Variants in SPRY3 observed in about 807,000 individuals in gnomAD.
SPRY3 encodes protein sprouty homolog 3.
In SPRY3, 15 loss-of-function variants were observed where a neutral mutation model predicts 20.2. That is an observed-to-expected ratio of 0.74 (90% CI 0.50 to 1.14). SPRY3 has a LOEUF of 1.14. Among genes scored for constraint, SPRY3 ranks in the 50% most tolerant of loss-of-function variants. The pLI, the probability that SPRY3 is intolerant of heterozygous loss-of-function variation, is 0.00. For missense variants in SPRY3, 364 were observed against 363.9 expected, an observed-to-expected ratio of 1.00 and a Z score of 0.00; for synonymous variants, 143 against 136.5, an observed-to-expected ratio of 1.05 and a Z score of -0.33.
chrX:155,752,572 A>C (rs2091268661), intron 2 of SPRY3, among the ~76,000 whole-genome samples: 1 of 151,752 alleles, frequency 6.6e-6, no homozygotes, highest in African/African-American at 2.4e-5. Context: ...TTACAGATCC[A>C]TAATAAGAAA....
chrX:155,626,630 T>C (rs1165043137), intron 1 of SPRY3, among the ~76,000 whole-genome samples: 1 of 112,034 alleles, frequency 8.9e-6, no homozygotes, highest in Non-Finnish European at 1.9e-5. Flanking sequence ...ACCCAAACTA[T>C]AGTCATAAGG....
At chrX:155,747,290 T>C (rs759854061) in intron 2 of SPRY3, among the ~76,000 whole-genome samples, 4 of 152,038 alleles carry the variant, frequency 2.6e-5, no homozygotes, top group Admixed American at 2.6e-4. Context: ...ATTTACCTGA[T>C]AAAACTATTC....
intron 2 of SPRY3, among the ~76,000 whole-genome samples, chrX:155,728,210 C>A (rs906732573): frequency 1.3e-5 from 2 of 152,150 alleles, no homozygotes; most frequent in Admixed American, 6.5e-5. Flanking sequence ...GGGCACCTGC[C>A]TGTATGAAGT....
chrX:155,648,089 T>C (rs1204278884), intron 1 of SPRY3, among the ~76,000 whole-genome samples: 3 of 112,436 alleles, frequency 2.7e-5, no homozygotes, highest in African/African-American at 9.7e-5. Flanking sequence ...TTTGTTAGCC[T>C]CATAAATGTC....
chrX:155,747,790 T>C (rs995862627), intron 2 of SPRY3, among the ~76,000 whole-genome samples: 2 of 151,884 alleles, frequency 1.3e-5, no homozygotes, highest in Non-Finnish European at 2.9e-5. Context: ...AAAAACGTTA[T>C]TGAGACACTC....
In SPRY3 at chrX:155,648,140, C is replaced by T. The variant is rs191394926; in HGVS notation, c.-440-8727C>T. 6.9e-3 allele frequency among the ~76,000 whole-genome samples: 768 copies of T among 111,030 alleles called. 6 individuals carry two copies. Among genetic ancestry groups the T allele is most frequent in the African/African-American group, 0.024 (727 of 30,761 alleles). On this transcript the variant is annotated intron_variant, in intron 1 of 3. Transcript: ENST00000675360. ...TCTGTTCATATCCTTTGCCCAATTT[C>T]GATAGGGTTGTTTTTTTCTTGCAAA... is the stretch of plus-strand genomic sequence containing the variant.
chrX:155,621,131 G>A (rs782079871), intron 1 of SPRY3, among the ~76,000 whole-genome samples: 2 of 111,894 alleles, frequency 1.8e-5, no homozygotes, highest in Non-Finnish European at 3.8e-5. Context: ...GTCAGTATGA[G>A]TGCAAGAATA....
chrX:155,646,150 G>C (rs1314358499), intron 1 of SPRY3, among the ~76,000 whole-genome samples: 1 of 111,814 alleles, frequency 8.9e-6, no homozygotes, highest in Admixed American at 9.5e-5. Flanking sequence ...TGTTGCATTG[G>C]GCTATATGTC....
At chrX:155,710,676 T>A (rs754782260) in intron 2 of SPRY3, among the ~76,000 whole-genome samples, 1 of 151,946 alleles carries the variant, frequency 6.6e-6, no homozygotes, top group East Asian at 1.9e-4. Flanking sequence ...CTGATTGCTC[T>A]AGCTAGGACT....
chrX:155,720,900 CAAAACAATCCAGGA>C (rs1396970749), intron 2 of SPRY3, among the ~76,000 whole-genome samples: 3 of 152,088 alleles, frequency 2.0e-5, no homozygotes, highest in Non-Finnish European at 4.4e-5. Flanking sequence ...CTACAAGTAT[CAAAACAATCCAGGA>C]AAACATGGCC....
chrX:155,654,251 T>C (rs1438699617), intron 1 of SPRY3, among the ~76,000 whole-genome samples: 5 of 112,333 alleles, frequency 4.5e-5, no homozygotes, highest in Admixed American at 3.8e-4. Flanking sequence ...ATCATTTATA[T>C]TTAAAGTGGT....
chrX:155,718,547 A>G (rs2091036455), intron 2 of SPRY3, among the ~76,000 whole-genome samples: 1 of 152,154 alleles, frequency 6.6e-6, no homozygotes, highest in South Asian at 2.1e-4. Flanking sequence ...TATAAAATCA[A>G]TGAGACAAAA....
At chrX:155,759,372 C>G (rs2091295434) in intron 2 of SPRY3, among the ~76,000 whole-genome samples, 1 of 151,978 alleles carries the variant, frequency 6.6e-6, no homozygotes, top group African/African-American at 2.4e-5. Flanking sequence ...TTATAATCTC[C>G]TCAATTACTG....
At chrX:155,644,804 C>T (rs187590201) in intron 1 of SPRY3, among the ~76,000 whole-genome samples, 1 of 111,143 alleles carries the variant, frequency 9.0e-6, no homozygotes, top group African/African-American at 3.3e-5. Context: ...GAATCAGGGA[C>T]CCCAAGAGTC....
At chrX:155,707,188 T>C (rs1424268185) in intron 2 of SPRY3, among the ~76,000 whole-genome samples, 1 of 151,314 alleles carries the variant, frequency 6.6e-6, no homozygotes, top group Non-Finnish European at 1.5e-5. Context: ...ATACGTTTTG[T>C]TGTCATTTTC....
At chrX:155,717,650 T>C (rs2091031926) in intron 2 of SPRY3, among the ~76,000 whole-genome samples, 1 of 151,836 alleles carries the variant, frequency 6.6e-6, no homozygotes, top group South Asian at 2.1e-4. Context: ...AGTGAGAACA[T>C]GTGGTGTTTG....
chrX:155,678,487 G>A (rs902044878), intron 2 of SPRY3, among the ~76,000 whole-genome samples: 1 of 111,397 alleles, frequency 9.0e-6, no homozygotes, highest in Non-Finnish European at 1.9e-5. Flanking sequence ...TTTTCTGGCT[G>A]GAGAAACCCC....
intron 2 of SPRY3, among the ~76,000 whole-genome samples, chrX:155,699,782 T>C (rs1301454909): frequency 1.8e-5 from 2 of 110,329 alleles, no homozygotes; most frequent in Non-Finnish European, 3.8e-5. Flanking sequence ...TATCAGATCA[T>C]ATACCTAAGA....
At chrX:155,766,749 C>G (rs2091332901) in intron 2 of SPRY3, among the ~76,000 whole-genome samples, 1 of 152,174 alleles carries the variant, frequency 6.6e-6, no homozygotes, top group Admixed American at 6.5e-5. Flanking sequence ...GCTTTATTTT[C>G]AGTCCCAGGG....
Sources: gnomAD v4.1 joint callset for allele counts (sites outside exome capture counted in the v4.1 genomes callset) on GRCh38, gnomAD v4.1.1 for gene constraint, MANE v1.5 for transcripts, NCBI Gene and HGNC (gene_info 2026-07-23, HGNC 2026-07-21) for gene names.